Variants in ARL13B observed in about 807,000 individuals in gnomAD.
ARL13B encodes ADP-ribosylation factor-like protein 13B.
Under a neutral mutation model 56.1 loss-of-function variants are expected in ARL13B, and 36 were observed. The observed-to-expected ratio is 0.64, with a 90% CI of 0.49 to 0.85. The LOEUF is 0.85. Ranked by LOEUF, ARL13B falls within the 40% of genes least tolerant of loss-of-function variation. ARL13B has a pLI of 0.00. For synonymous variants in ARL13B, 178 were observed against 171.1 expected (o/e 1.04, Z -0.32); for missense variants, 519 against 507.1 (o/e 1.02, Z -0.23).
At chr3:94,043,306 C>T in intron 7 of ARL13B, 66 bp downstream of exon 7, 1 of 1,363,862 alleles carries the variant, frequency 7.3e-7, no homozygotes, top group Non-Finnish European at 1.0e-6. Flanking sequence ...TACTTCATCT[C>T]ATTTTTTATG....
intron 1 of ARL13B, among the ~76,000 whole-genome samples, chr3:93,982,025 C>T (rs1336444830): frequency 6.6e-6 from 1 of 152,100 alleles, no homozygotes; most frequent in Non-Finnish European, 1.5e-5. Flanking sequence ...TCCTCCGTGT[C>T]TGCTTTTAAG....
At position 94,055,059 on chromosome 3, in the gene ARL13B, AAAT is replaced by A. The variant is rs1211014384; in HGVS notation, c.*1799_*1801del. 1 of 358,376 alleles carries A rather than the reference AAAT, an allele frequency of 2.8e-6. No homozygotes were observed. The highest frequency in any genetic ancestry group is 5.4e-6 in the Non-Finnish European group (1 of 186,624). The allele number at this position is 358,376 out of a possible 1,614,324, so 22.2% of individuals were successfully genotyped here. ...TGTAGCTACTGGCTTCATTTAATAA[AAAT>A]AAATGATTTTGAAATTAAATATAAT... On this transcript the variant is annotated 3_prime_UTR_variant, in exon 10 of 10. Coordinates refer to ENST00000394222, the MANE Select transcript of ARL13B (RefSeq NM_001174150.2).
rs144733317 is a variant in ARL13B at position 94,022,284 on chromosome 3, C to T, written c.381-13047C>T. Among the ~76,000 whole-genome samples the T allele has an allele frequency of 2.0e-5, 3 of 152,152 alleles. No homozygotes were observed. In the East Asian group the frequency reaches 5.8e-4, roughly 29 times the overall value. On this transcript the variant is annotated intron_variant, in intron 3 of 9. Coordinates refer to ENST00000394222, the MANE Select transcript of ARL13B (RefSeq NM_001174150.2). ...GGAATTACAGGCGCCTGCCACCACG[C>T]ACAGCTAATTTTTGTATTTTTAATA...
At chr3:94,045,026 G>A (rs1457541256) in intron 7 of ARL13B, among the ~76,000 whole-genome samples, 1 of 152,206 alleles carries the variant, frequency 6.6e-6, no homozygotes, top group African/African-American at 2.4e-5. Context: ...GTGGGGAAAA[G>A]AAAGAGAGAT....
chr3:94,036,813 A>G (rs914456010), intron 5 of ARL13B, 59 bp downstream of exon 5: 18 of 1,520,500 alleles, frequency 1.2e-5, no homozygotes, highest in South Asian at 3.6e-5. Flanking sequence ...TAACAATTTT[A>G]TGAATCAGTT....
intron 1 of ARL13B, among the ~76,000 whole-genome samples, chr3:93,987,142 A>G (rs180770781): frequency 6.7e-5 from 10 of 149,446 alleles, no homozygotes; most frequent in East Asian, 6.1e-4. Flanking sequence ...TAATGCCATG[A>G]TGCTTATATT....
intron 1 of ARL13B, 129 bp downstream of exon 1, chr3:93,980,611 G>C (rs541056770): frequency 8.7e-7 from 1 of 1,152,362 alleles, no homozygotes; most frequent in Admixed American, 2.1e-5. Flanking sequence ...TTCATTCCCA[G>C]GGTGTCCCGG....
chr3:94,048,532 TTTGTA>T (rs1357693280), intron 7 of ARL13B, among the ~76,000 whole-genome samples: 1 of 152,158 alleles, frequency 6.6e-6, no homozygotes, highest in Non-Finnish European at 1.5e-5. Context: ...TGGTTACGTG[TTTGTA>T]TTGTATTGGG....
rs1348049594 is a variant in ARL13B, at chr3:94,054,646, A to T, written c.*1383A>T. The T allele has an allele frequency of 5.3e-6, 2 of 379,174 alleles. No homozygotes were observed. Among genetic ancestry groups the T allele is most frequent in the African/African-American group, 4.3e-5 (2 of 46,628 alleles). The allele number at this position is 379,174 out of a possible 1,614,324, so 23.5% of individuals were successfully genotyped here. A position where few individuals can be genotyped will look rare whatever the true frequency, so the allele number is the denominator to read the frequency against. On this transcript the variant is annotated 3_prime_UTR_variant, in exon 10 of 10. Coordinates refer to ENST00000394222, the MANE Select transcript of ARL13B (RefSeq NM_001174150.2). ...TTTAATATAATTATTTACTTTAAAA[A>T]TTGTACTTCAGAACATCAGATTTTA...
At chr3:94,017,788 GT>G (rs1336882095) in intron 3 of ARL13B, among the ~76,000 whole-genome samples, 5 of 152,128 alleles carry the variant, frequency 3.3e-5, no homozygotes, top group African/African-American at 1.2e-4. Flanking sequence ...GGAGTGTATT[GT>G]AGGTCTAGGA....
At chr3:94,050,166 GAA>G (rs77813443) in intron 8 of ARL13B, among the ~76,000 whole-genome samples, 96 of 90,354 alleles carry the variant, frequency 1.1e-3, no homozygotes, top group African/African-American at 3.8e-3. Flanking sequence ...TCCATCTCGG[GAA>G]AAAAAAAAAA....
chr3:94,024,747 G>C (rs2076521098), intron 3 of ARL13B, among the ~76,000 whole-genome samples: 1 of 151,860 alleles, frequency 6.6e-6, no homozygotes, highest in Non-Finnish European at 1.5e-5. Context: ...CACTGTGCTT[G>C]GCTGATTTTT....
At chr3:94,043,364 C>CA in intron 7 of ARL13B, 124 bp downstream of exon 7, 2 of 859,568 alleles carry the variant, frequency 2.3e-6, no homozygotes, top group Non-Finnish European at 3.6e-6. Context: ...CTTCAAATGC[C>CA]ATATTTACCA....
At chr3:94,015,188 T>C (rs1469295628) in intron 3 of ARL13B, 15 of 1,613,408 alleles carry the variant, frequency 9.3e-6, no homozygotes, top group Non-Finnish European at 1.3e-5. Flanking sequence ...TGTTCCTCTG[T>C]TTCTGTAGTT....
At chr3:94,029,301 CATATAT>C (rs1242349606) in intron 3 of ARL13B, among the ~76,000 whole-genome samples, 15,745 of 77,036 alleles carry the variant, frequency 0.2, 1,557 homozygotes, top group Non-Finnish European at 0.26. Context: ...CTATCAAAAT[CATATAT>C]ATATATATAT....
chr3:93,988,312 T>C (rs1710567480), intron 1 of ARL13B, among the ~76,000 whole-genome samples: 1 of 152,022 alleles, frequency 6.6e-6, no homozygotes, highest in Non-Finnish European at 1.5e-5. Flanking sequence ...TCTGACTCTG[T>C]ATTGCCATTT....
chr3:94,043,316 G>A, intron 7 of ARL13B, 76 bp downstream of exon 7: 2 of 1,333,016 alleles, frequency 1.5e-6, no homozygotes, highest in Middle Eastern at 2.6e-4. Flanking sequence ...CATTTTTTAT[G>A]TTTGTTTTTA....
intron 3 of ARL13B, among the ~76,000 whole-genome samples, chr3:94,017,830 A>G (rs1477537236): frequency 6.6e-6 from 1 of 152,118 alleles, no homozygotes; most frequent in Non-Finnish European, 1.5e-5. Flanking sequence ...AATGAGACTG[A>G]TATGTTTTAG....
At chr3:93,995,735 G>GT in intron 1 of ARL13B, 139 bp from the exon 2 acceptor site, 1 of 708,098 alleles carries the variant, frequency 1.4e-6, no homozygotes, top group Non-Finnish European at 2.4e-6. Context: ...ATTCATCATT[G>GT]TACTCCCTAG....
Sources: allele counts gnomAD v4.1 joint callset (sites outside exome capture counted in the v4.1 genomes callset), GRCh38; gene constraint gnomAD v4.1.1; transcripts MANE v1.5; gene names NCBI Gene and HGNC (gene_info 2026-07-23, HGNC 2026-07-21).